The following ZBTB20 variants were observed in gnomAD, a reference collection of about 807,000 sequenced individuals.
ZBTB20 encodes zinc finger and BTB domain-containing protein 20.
A neutral mutation model predicts 56.9 loss-of-function variants in ZBTB20; 9 were observed. The ratio of observed to expected loss-of-function variants is 0.16; its 90% confidence interval spans 0.10 to 0.28. The LOEUF is 0.28. Ranked by LOEUF, ZBTB20 falls within the 10% of genes least tolerant of loss-of-function variation. The probability of loss-of-function intolerance (pLI) is 1.00; values close to 1 mark genes in which losing one functional copy is unlikely to be tolerated. For missense variants in ZBTB20, 655 were observed against 1,003.0 expected (o/e 0.65, Z 4.69); for synonymous variants, 417 against 420.7 (o/e 0.99, Z 0.11).
Position 114,342,182 on chromosome 3 carries a change from C to G in ZBTB20, c.1805-2756G>C, listed in dbSNP as rs146051029. Among the ~76,000 whole-genome samples the G allele has an allele frequency of 3.1e-3, 467 of 152,144 alleles. 1 individual carries two copies. The highest frequency in any genetic ancestry group is 4.6e-3 in the Non-Finnish European group (311 of 68,032). On this transcript the variant is annotated intron_variant, in intron 11 of 11. Coordinates refer to ENST00000675478, the MANE Select transcript of ZBTB20 (RefSeq NM_001348800.3). Reference sequence around the variant, plus strand: ...ATGAATTTGAAACGCAGTCACTCAGCAGGAATGAATGATTGTGTTTTAAGA... The same window carrying G: ...ATGAATTTGAAACGCAGTCACTCAGGAGGAATGAATGATTGTGTTTTAAGA...
At chr3:114,547,579 T>G (rs1449618287) in intron 6 of ZBTB20, among the ~76,000 whole-genome samples, 1 of 152,168 alleles carries the variant, frequency 6.6e-6, no homozygotes, top group Non-Finnish European at 1.5e-5. Flanking sequence ...CAGAAGATGC[T>G]CTGGTCAGTG....
At chr3:114,770,862 A>G (rs2069145947) in intron 5 of ZBTB20, among the ~76,000 whole-genome samples, 1 of 152,190 alleles carries the variant, frequency 6.6e-6, no homozygotes, top group South Asian at 2.1e-4. Context: ...GAGTACCCCT[A>G]ATCCAAGAGT....
At chr3:114,571,034 A>G (rs1301360010) in intron 6 of ZBTB20, among the ~76,000 whole-genome samples, 1 of 151,826 alleles carries the variant, frequency 6.6e-6, no homozygotes, top group Non-Finnish European at 1.5e-5. Context: ...ATTTAGTCAC[A>G]GTTGGTTGTG....
chr3:114,888,104 A>AG (rs1205583363), intron 4 of ZBTB20, among the ~76,000 whole-genome samples: 1 of 151,838 alleles, frequency 6.6e-6, no homozygotes, highest in African/African-American at 2.4e-5. Context: ...TAAAAAAAAA[A>AG]AAAGAAAGAA....
chr3:115,016,408 T>C (rs981256956), intron 2 of ZBTB20, among the ~76,000 whole-genome samples: 2 of 151,980 alleles, frequency 1.3e-5, no homozygotes, highest in African/African-American at 4.8e-5. Context: ...TCCTGACTGG[T>C]ATTGTCAGAT....
intron 6 of ZBTB20, among the ~76,000 whole-genome samples, chr3:114,677,581 T>C (rs557220794): frequency 2.0e-5 from 3 of 152,258 alleles, no homozygotes; most frequent in East Asian, 1.9e-4. Context: ...CTCCAGTCCA[T>C]GGAAACATTG....
intron 4 of ZBTB20, among the ~76,000 whole-genome samples, chr3:114,829,790 C>T (rs2073748319): frequency 6.6e-6 from 1 of 151,736 alleles, no homozygotes; most frequent in Non-Finnish European, 1.5e-5. Context: ...ACTCAGAGTC[C>T]CCAGTTCCTA....
chr3:114,753,311 G>T (rs2067712392), intron 5 of ZBTB20, among the ~76,000 whole-genome samples: 1 of 135,802 alleles, frequency 7.4e-6, no homozygotes, highest in East Asian at 2.1e-4. Flanking sequence ...TATATATAAT[G>T]TATATATGTA....
intron 4 of ZBTB20, among the ~76,000 whole-genome samples, chr3:114,866,190 C>T (rs960040419): frequency 2.0e-5 from 3 of 152,232 alleles, no homozygotes; most frequent in East Asian, 1.9e-4. Context: ...TTCCAGTTAT[C>T]GATGCTAAGT....
At chr3:114,617,804 T>G (rs2058039611) in intron 6 of ZBTB20, among the ~76,000 whole-genome samples, 1 of 152,162 alleles carries the variant, frequency 6.6e-6, no homozygotes. Context: ...TTGAAAATGC[T>G]TTTGCTTAGA....
At chr3:114,345,029 A>G (rs10804513) in intron 11 of ZBTB20, among the ~76,000 whole-genome samples, 2 of 151,920 alleles carry the variant, frequency 1.3e-5, no homozygotes, top group African/African-American at 4.8e-5. Flanking sequence ...AATATATTCT[A>G]TAGCAAATAA....
chr3:114,458,527 C>A lies in ZBTB20; in HGVS notation c.-255+41825G>T, dbSNP rs574752257. ...TCCAATCACATTTTTTTCTCATGGG[C>A]AGATATTTCCAGAGCTGATGACCTG... On this transcript the variant is annotated intron_variant, in intron 7 of 11. Transcript: ENST00000675478. Among the ~76,000 whole-genome samples the A allele has an allele frequency of 7.2e-5, 11 of 152,182 alleles. No individual in the cohort carries two copies. The South Asian group carries it at 1.7e-3, about 23-fold the overall frequency.
At chr3:114,990,792 T>C (rs2078770098) in intron 2 of ZBTB20, among the ~76,000 whole-genome samples, 1 of 152,156 alleles carries the variant, frequency 6.6e-6, no homozygotes. Context: ...AGCGTGTTAT[T>C]GGTCTATTCA....
intron 1 of ZBTB20, among the ~76,000 whole-genome samples, chr3:115,096,378 G>T (rs1325224459): frequency 6.6e-6 from 1 of 152,164 alleles, no homozygotes; most frequent in African/African-American, 2.4e-5. Flanking sequence ...CACTGGTTAA[G>T]AAAGTGAGGG....
At chr3:114,532,460 A>C (rs1176827109) in intron 6 of ZBTB20, among the ~76,000 whole-genome samples, 2 of 152,218 alleles carry the variant, frequency 1.3e-5, no homozygotes, top group African/African-American at 4.8e-5. Context: ...TGAGCAGGGC[A>C]TCTCTGAAAG....
intron 3 of ZBTB20, among the ~76,000 whole-genome samples, chr3:114,901,496 T>C (rs751763356): frequency 1.3e-5 from 2 of 152,134 alleles, no homozygotes; most frequent in Non-Finnish European, 2.9e-5. Flanking sequence ...CTGAGTACTA[T>C]GTATCAAGAA....
intron 1 of ZBTB20, among the ~76,000 whole-genome samples, chr3:115,116,274 G>A (rs547799226): frequency 6.6e-6 from 1 of 152,006 alleles, no homozygotes; most frequent in East Asian, 1.9e-4. Flanking sequence ...AGCTCTATCT[G>A]GGCATATTAA....
intron 1 of ZBTB20, among the ~76,000 whole-genome samples, chr3:115,083,069 C>T (rs2082854682): frequency 6.6e-6 from 1 of 151,994 alleles, no homozygotes; most frequent in African/African-American, 2.4e-5. Flanking sequence ...AATGGAAACT[C>T]AAGGTAAATG....
intron 2 of ZBTB20, among the ~76,000 whole-genome samples, chr3:115,058,294 CTCTT>C (rs1029947393): frequency 6.6e-6 from 1 of 152,158 alleles, no homozygotes; most frequent in Non-Finnish European, 1.5e-5. Context: ...CATTTCCTGT[CTCTT>C]TCTGGGATTT....
Sources: gnomAD v4.1 joint callset for allele counts (sites outside exome capture counted in the v4.1 genomes callset) on GRCh38, gnomAD v4.1.1 for gene constraint, MANE v1.5 for transcripts, NCBI Gene and HGNC (gene_info 2026-07-23, HGNC 2026-07-21) for gene names.